PDGFD: variants seen among roughly 807,000 people sequenced by gnomAD.
The protein encoded by PDGFD is platelet derived growth factor D, also known as platelet-derived growth factor D.
In PDGFD, 30 loss-of-function variants were observed where a neutral mutation model predicts 44.7. That is an observed-to-expected ratio of 0.67 (90% CI 0.50 to 0.91). The LOEUF (loss-of-function observed/expected upper bound fraction) is 0.91, where lower values mean the gene tolerates loss of function less well. Among genes scored for constraint, PDGFD ranks in the 40% least tolerant of loss-of-function variants. The probability of loss-of-function intolerance (pLI) is 0.00; values close to 1 mark genes in which losing one functional copy is unlikely to be tolerated. For synonymous variants in PDGFD, 173 were observed against 168.4 expected (o/e 1.03, Z -0.21); for missense variants, 445 against 457.8 (o/e 0.97, Z 0.25).
intron 5 of PDGFD, among the ~76,000 whole-genome samples, chr11:103,931,100 A>G (rs561126605): frequency 5.3e-5 from 8 of 152,292 alleles, no homozygotes; most frequent in African/African-American, 1.4e-4. Flanking sequence ...TAAAACCAAT[A>G]TAATATTTCA....
At chr11:104,094,954 T>C (rs1283375199) in intron 1 of PDGFD, among the ~76,000 whole-genome samples, 2 of 152,146 alleles carry the variant, frequency 1.3e-5, no homozygotes, top group African/African-American at 4.8e-5. Context: ...CAACCCTGCT[T>C]CCAGTTCACG....
chr11:104,028,126 CT>C (rs1436316843), intron 1 of PDGFD, among the ~76,000 whole-genome samples: 8 of 147,232 alleles, frequency 5.4e-5, no homozygotes, highest in African/African-American at 1.5e-4. Flanking sequence ...GGAGGCGGAG[CT>C]TGTAGTGAGC....
intron 1 of PDGFD, among the ~76,000 whole-genome samples, chr11:104,089,297 G>A (rs1306859421): frequency 6.6e-6 from 1 of 152,170 alleles, no homozygotes; most frequent in African/African-American, 2.4e-5. Context: ...AGAATCTAGA[G>A]TGTATCTTCT....
At chr11:104,085,727 C>T (rs1216745748) in intron 1 of PDGFD, among the ~76,000 whole-genome samples, 2 of 152,096 alleles carry the variant, frequency 1.3e-5, no homozygotes, top group Non-Finnish European at 2.9e-5. Flanking sequence ...TTTTCAATGT[C>T]CAGCTTAATA....
In PDGFD at chr11:103,909,922, A is replaced by C; in HGVS notation, c.988-103T>G. ...TTGACAACTAGTTCTTAGCCCTTTG[A>C]GAACCCAACAGAAGCTATGGGCTTG... On this transcript the variant is annotated intron_variant, in intron 6 of 6. Coordinates refer to ENST00000393158, the MANE Select transcript of PDGFD (RefSeq NM_025208.5). The C allele has an allele frequency of 2.2e-6, 3 of 1,366,120 alleles. No individual in the cohort carries two copies. The East Asian group carries it at 6.9e-5, about 31-fold the overall frequency. 84.6% of individuals were successfully genotyped at this position (1,366,120 alleles called of 1,614,324 possible). A position where few individuals can be genotyped will look rare whatever the true frequency, so the allele number is the denominator to read the frequency against.
intron 1 of PDGFD, among the ~76,000 whole-genome samples, chr11:104,040,874 TTC>T (rs1158108487): frequency 6.6e-6 from 1 of 152,042 alleles, no homozygotes; most frequent in East Asian, 1.9e-4. Context: ...GTTTTATCAT[TTC>T]TTAGTCTTAC....
At chr11:104,088,920 A>AT (rs1861172301) in intron 1 of PDGFD, among the ~76,000 whole-genome samples, 1 of 26,142 alleles carries the variant, frequency 3.8e-5, no homozygotes, top group Non-Finnish European at 8.7e-5. Flanking sequence ...ACAAAGTGGG[A>AT]TGGGGGAAAA....
At chr11:103,972,748 C>T (rs925089112) in intron 3 of PDGFD, among the ~76,000 whole-genome samples, 1 of 152,128 alleles carries the variant, frequency 6.6e-6, no homozygotes, top group Admixed American at 6.5e-5. Context: ...AAAACATTTA[C>T]CTGGAATTTC....
chr11:104,104,458 AATACAGGGGTAACCACTGTAT>A (rs1370666877), intron 1 of PDGFD, among the ~76,000 whole-genome samples: 2 of 152,142 alleles, frequency 1.3e-5, no homozygotes, highest in African/African-American at 4.8e-5. Flanking sequence ...CTAAGTGTCT[AATACAGGGGTAACCACTGTAT>A]ATCTTTTACA....
intron 3 of PDGFD, among the ~76,000 whole-genome samples, chr11:103,967,358 C>T (rs559742041): frequency 1.3e-4 from 20 of 152,302 alleles, no homozygotes; most frequent in African/African-American, 4.8e-4. Context: ...GTTTGCAGCC[C>T]TTTGAATCTT....
chr11:104,076,264 T>C (rs1160299526), intron 1 of PDGFD, among the ~76,000 whole-genome samples: 1 of 152,192 alleles, frequency 6.6e-6, no homozygotes, highest in Non-Finnish European at 1.5e-5. Flanking sequence ...AATTACCCAG[T>C]CTTGGGCAGT....
chr11:103,958,989 A>T (rs1050858237), intron 3 of PDGFD, among the ~76,000 whole-genome samples: 1 of 152,214 alleles, frequency 6.6e-6, no homozygotes, highest in Non-Finnish European at 1.5e-5. Flanking sequence ...CCAAAGCCAC[A>T]GTCAACACAG....
At position 104,126,234 on chromosome 11, in the gene PDGFD, G is replaced by A. The variant is rs116797143; in HGVS notation, c.124+37570C>T. 7.2e-3 allele frequency among the ~76,000 whole-genome samples: 1,101 copies of A among 152,292 alleles called. 7 individuals carry two copies. Among genetic ancestry groups the A allele is most frequent in the African/African-American group, 0.024 (984 of 41,560 alleles). On this transcript the variant is annotated intron_variant, in intron 1 of 6. Transcript: ENST00000393158. ...CCTTACTGCCCTTGCACTTGGGACAGAGCAGCCTGTAAGCTGGAGGCACAA... is the reference window on the plus strand; with the variant it reads ...CCTTACTGCCCTTGCACTTGGGACAAAGCAGCCTGTAAGCTGGAGGCACAA...
In PDGFD at chr11:103,941,484, T is replaced by C. The variant is rs1858583269; in HGVS notation, c.772+1968A>G. ...GAAGTAATGCAAACATATTTCAGAA[T>C]TCTAAGTCATTATAGCTAGCTAACA... On this transcript the variant is annotated intron_variant, in intron 5 of 6. Coordinates refer to ENST00000393158, the MANE Select transcript of PDGFD (RefSeq NM_025208.5). Among the ~76,000 whole-genome samples, 3 of 152,218 alleles carry C rather than the reference T, an allele frequency of 2.0e-5. 1 individual carries two copies. In the South Asian group the frequency reaches 6.2e-4, roughly 32 times the overall value.
At chr11:104,072,943 A>C (rs951177946) in intron 1 of PDGFD, among the ~76,000 whole-genome samples, 1 of 152,084 alleles carries the variant, frequency 6.6e-6, no homozygotes, top group Non-Finnish European at 1.5e-5. Flanking sequence ...ATAATACATG[A>C]AAATCTAAAA....
At chr11:104,153,238 T>C (rs912755777) in intron 1 of PDGFD, among the ~76,000 whole-genome samples, 6 of 152,156 alleles carry the variant, frequency 3.9e-5, no homozygotes, top group South Asian at 2.1e-4. Flanking sequence ...TTGCTTAAAA[T>C]CTGACAGTGA....
At chr11:104,089,435 T>C (rs1279410266) in intron 1 of PDGFD, among the ~76,000 whole-genome samples, 1 of 152,198 alleles carries the variant, frequency 6.6e-6, no homozygotes, top group Non-Finnish European at 1.5e-5. Flanking sequence ...TCATTTGCTA[T>C]TTACAAAGGA....
At chr11:104,104,054 C>G (rs1369680450) in intron 1 of PDGFD, among the ~76,000 whole-genome samples, 1 of 151,868 alleles carries the variant, frequency 6.6e-6, no homozygotes, top group African/African-American at 2.4e-5. Flanking sequence ...GATCCTGACC[C>G]TGTGCAGGCC....
rs79461958 is a variant in PDGFD at position 104,004,687 on chromosome 11, C to A, written c.125-4432G>T. ...TTAAAAAATTCTGCCAAAAAATACA[C>A]CTGAACAAACAAAATATGCACAACA... On this transcript the variant is annotated intron_variant, in intron 1 of 6. Coordinates refer to ENST00000393158, the MANE Select transcript of PDGFD (RefSeq NM_025208.5). Among the ~76,000 whole-genome samples the A allele has an allele frequency of 0.02, 3,108 of 152,084 alleles. 196 individuals are homozygous for A. The East Asian group carries it at 0.26, about 13-fold the overall frequency.
Sources: gnomAD v4.1 joint callset for allele counts (sites outside exome capture counted in the v4.1 genomes callset) on GRCh38, gnomAD v4.1.1 for gene constraint, MANE v1.5 for transcripts, NCBI Gene and HGNC (gene_info 2026-07-23, HGNC 2026-07-21) for gene names.